Variants in CACNB2 observed in about 807,000 individuals in gnomAD.
CACNB2 encodes the protein calcium voltage-gated channel auxiliary subunit beta 2.
In CACNB2, 42 loss-of-function variants were observed where a neutral mutation model predicts 73.3. The ratio of observed to expected loss-of-function variants is 0.57; its 90% confidence interval spans 0.45 to 0.74. The LOEUF is 0.74. CACNB2 is among the 30% of genes least tolerant of loss of function. CACNB2 has a pLI of 0.00. For missense variants in CACNB2, 940 were observed against 853.0 expected (o/e 1.10, Z -1.27); for synonymous variants, 348 against 310.3 (o/e 1.12, Z -1.28).
At chr10:18,250,307 T>C (rs2037037715) in intron 2 of CACNB2, among the ~76,000 whole-genome samples, 1 of 152,230 alleles carries the variant, frequency 6.6e-6, no homozygotes, top group African/African-American at 2.4e-5. Flanking sequence ...GCAGTCCTTG[T>C]TGTAACTTTG....
intron 2 of CACNB2, among the ~76,000 whole-genome samples, chr10:18,308,476 A>G (rs1039482417): frequency 6.6e-6 from 1 of 152,174 alleles, no homozygotes; most frequent in African/African-American, 2.4e-5. Context: ...TCCGCTCTCC[A>G]GGGGACCCTG....
chr10:18,153,733 T>G (rs1456084286), intron 2 of CACNB2, among the ~76,000 whole-genome samples: 1 of 149,828 alleles, frequency 6.7e-6, no homozygotes, highest in Non-Finnish European at 1.5e-5. Context: ...AGGCACAAGC[T>G]ACTATGCCCA....
In CACNB2 at chr10:18,313,375, A is replaced by G. The variant is rs114057709; in HGVS notation, c.214-88549A>G. Among the ~76,000 whole-genome samples the G allele has an allele frequency of 6.1e-3, 921 of 150,856 alleles. 13 individuals carry two copies. Among genetic ancestry groups the G allele is most frequent in the African/African-American group, 0.019 (798 of 40,958 alleles). On this transcript the variant is annotated intron_variant, in intron 2 of 13. Coordinates refer to ENST00000324631, the MANE Select transcript of CACNB2 (RefSeq NM_201596.3). Reference sequence around the variant, plus strand: ...AGCGTCCCTGGCCCCTACGTACTAGACGCCAGAAACACTCCTCTCCAACTG... The same window carrying G: ...AGCGTCCCTGGCCCCTACGTACTAGGCGCCAGAAACACTCCTCTCCAACTG...
chr10:18,362,779 A>G (rs1312668336), intron 2 of CACNB2, among the ~76,000 whole-genome samples: 1 of 152,154 alleles, frequency 6.6e-6, no homozygotes, highest in East Asian at 1.9e-4. Flanking sequence ...ATGGTGGCAC[A>G]TGCCTGTAGT....
intron 9 of CACNB2, among the ~76,000 whole-genome samples, chr10:18,522,136 C>T (rs1042651756): frequency 6.6e-6 from 1 of 152,042 alleles, no homozygotes; most frequent in Non-Finnish European, 1.5e-5. Flanking sequence ...CTCCTTAGGA[C>T]AGTCTAATGC....
chr10:18,456,548 C>G (rs977322301), intron 3 of CACNB2, among the ~76,000 whole-genome samples: 20 of 152,224 alleles, frequency 1.3e-4, no homozygotes, highest in African/African-American at 4.3e-4. Flanking sequence ...ATTCATAGGC[C>G]ACCCTTATGA....
intron 10 of CACNB2, among the ~76,000 whole-genome samples, chr10:18,532,751 G>A (rs972154436): frequency 2.0e-5 from 3 of 149,628 alleles, no homozygotes; most frequent in Non-Finnish European, 3.0e-5. Flanking sequence ...TATTAAACTT[G>A]TACTACTCAA....
At chr10:18,287,468 T>G (rs981727228) in intron 2 of CACNB2, among the ~76,000 whole-genome samples, 1 of 152,208 alleles carries the variant, frequency 6.6e-6, no homozygotes, top group African/African-American at 2.4e-5. Flanking sequence ...GACATCTGTA[T>G]TAGCTAGGGC....
At chr10:18,394,223 C>G (rs1187562493) in intron 2 of CACNB2, among the ~76,000 whole-genome samples, 1 of 152,158 alleles carries the variant, frequency 6.6e-6, no homozygotes, top group Non-Finnish European at 1.5e-5. Flanking sequence ...TCCCAAAGTG[C>G]TGGGATTTCA....
chr10:18,472,055 C>G lies in CACNB2; in HGVS notation c.334-26300C>G, dbSNP rs181118549. ...TCATCTCTCTGGCTCCTTCACTGCC[C>G]CCATTCCTATCCATCTGCTCTTTGA... On this transcript the variant is annotated intron_variant, in intron 3 of 13. Transcript: ENST00000324631. 4.3e-4 allele frequency among the ~76,000 whole-genome samples: 65 copies of G among 152,160 alleles called. 1 individual carries two copies. Among genetic ancestry groups the G allele is most frequent in the South Asian group, 1.7e-3 (8 of 4,824 alleles).
At position 18,169,359 on chromosome 10, in the gene CACNB2, C is replaced by T. The variant is rs546031690; in HGVS notation, c.213+18384C>T. Among the ~76,000 whole-genome samples, 7 of 152,154 alleles carry T rather than the reference C, an allele frequency of 4.6e-5. No individual in the cohort carries two copies. In the South Asian group the frequency reaches 1.5e-3, roughly 32 times the overall value. Reference sequence around the variant, plus strand: ...ACTTAAAATATATGCTACTCTCATTCTTGTTTTATGTTTACAAATAGGTTT... The same window carrying T: ...ACTTAAAATATATGCTACTCTCATTTTTGTTTTATGTTTACAAATAGGTTT... On this transcript the variant is annotated intron_variant, in intron 2 of 13. Transcript: ENST00000324631.
chr10:18,443,300 A>G (rs1344791205), intron 3 of CACNB2, among the ~76,000 whole-genome samples: 1 of 151,974 alleles, frequency 6.6e-6, no homozygotes, highest in Non-Finnish European at 1.5e-5. Flanking sequence ...GGAAGAGGCC[A>G]TTTCCAGTGA....
intron 2 of CACNB2, among the ~76,000 whole-genome samples, chr10:18,156,240 G>C (rs2032035310): frequency 6.6e-6 from 1 of 152,172 alleles, no homozygotes; most frequent in African/African-American, 2.4e-5. Flanking sequence ...TTTTCTTCTT[G>C]ATATGTTTCT....
chr10:18,414,567 C>G (rs1227188384), intron 3 of CACNB2, among the ~76,000 whole-genome samples: 2 of 150,698 alleles, frequency 1.3e-5, no homozygotes, highest in Non-Finnish European at 2.9e-5. Flanking sequence ...TCACTGCAAC[C>G]TCTGACTCCC....
chr10:18,281,465 C>T (rs1240298737), intron 2 of CACNB2, among the ~76,000 whole-genome samples: 1 of 152,328 alleles, frequency 6.6e-6, no homozygotes, highest in East Asian at 1.9e-4. Flanking sequence ...AATGTGAACA[C>T]TGAAGCTACT....
intron 2 of CACNB2, among the ~76,000 whole-genome samples, chr10:18,314,634 T>A (rs2040089003): frequency 6.6e-6 from 1 of 152,156 alleles, no homozygotes; most frequent in African/African-American, 2.4e-5. Context: ...ATCAGTCTAT[T>A]ACTGTTGCCC....
intron 2 of CACNB2, among the ~76,000 whole-genome samples, chr10:18,346,099 C>G (rs2041440184): frequency 6.6e-6 from 1 of 152,126 alleles, no homozygotes; most frequent in Non-Finnish European, 1.5e-5. Context: ...AGTGGCCATT[C>G]AGAGATCTTC....
chr10:18,434,322 G>A (rs894802044), intron 3 of CACNB2, among the ~76,000 whole-genome samples: 5 of 152,080 alleles, frequency 3.3e-5, no homozygotes, highest in Non-Finnish European at 7.4e-5. Flanking sequence ...TTAACATAGG[G>A]AATTAGGAAT....
chr10:18,356,121 A>G (rs1359792037), intron 2 of CACNB2, among the ~76,000 whole-genome samples: 1 of 152,124 alleles, frequency 6.6e-6, no homozygotes, highest in African/African-American at 2.4e-5. Context: ...CCATGCATTG[A>G]CACAGCCCTC....
Sources: gnomAD v4.1 joint callset for allele counts (sites outside exome capture counted in the v4.1 genomes callset) on GRCh38, gnomAD v4.1.1 for gene constraint, MANE v1.5 for transcripts, NCBI Gene and HGNC (gene_info 2026-07-23, HGNC 2026-07-21) for gene names.